The following CPEB2 variants were observed in gnomAD, a reference collection of about 807,000 sequenced individuals.
The protein encoded by CPEB2 is cytoplasmic polyadenylation element-binding protein 2.
A neutral mutation model predicts 93.6 loss-of-function variants in CPEB2; 56 were observed. That is an observed-to-expected ratio of 0.60 (90% CI 0.48 to 0.75). The LOEUF is 0.75. CPEB2 is among the 30% of genes least tolerant of loss of function. The pLI, the probability that CPEB2 is intolerant of heterozygous loss-of-function variation, is 0.00. For missense variants in CPEB2, 1,579 were observed against 1,395.1 expected (o/e 1.13, Z -2.10); for synonymous variants, 764 against 586.3 (o/e 1.30, Z -4.38).
intron 3 of CPEB2, 136 bp from the exon 4 acceptor site, chr4:15,017,052 G>T (rs951996699): frequency 1.0e-5 from 6 of 593,974 alleles, no homozygotes; most frequent in African/African-American, 9.5e-5. Flanking sequence ...TTAGTTATTG[G>T]TATTTTTGTG....
At chr4:15,030,196 G>A (rs1167747373) in intron 4 of CPEB2, among the ~76,000 whole-genome samples, 1 of 151,462 alleles carries the variant, frequency 6.6e-6, no homozygotes, top group Non-Finnish European at 1.5e-5. Context: ...CTTAAATTAT[G>A]AAATATACTA....
chr4:15,003,254 A>G lies in CPEB2; in HGVS notation c.581A>G (p.Lys194Arg). Residue 194 changes from lysine to arginine, a missense_variant, in exon 1 of 12, where the codon AAG (lysine) becomes AGG (arginine). Coordinates refer to ENST00000538197, the MANE Select transcript of CPEB2 (RefSeq NM_001177382.2). The stretch of plus-strand genomic sequence containing the variant: ...CACCTTCCCCACCCTCCGGACTCGA[A>G]GCCGCCGCCGCCGCCTCCGCCGCTC... The part of the protein sequence containing the change: ...PPHLPHPPDS[K>R]PPPPPPPLHC... The G allele has an allele frequency of 2.6e-6, 4 of 1,521,070 alleles. No individual in the cohort carries two copies. In the Admixed American group the frequency reaches 6.0e-5, roughly 23 times the overall value. 94.2% of individuals were successfully genotyped at this position (1,521,070 alleles called of 1,614,324 possible).
chr4:15,010,405 G>C (rs1723317081), intron 3 of CPEB2: 1 of 152,148 alleles, frequency 6.6e-6, no homozygotes, highest in Admixed American at 6.5e-5. Context: ...TTAGGCATTA[G>C]TCTAAGGCAG....
In CPEB2 at chr4:15,058,482, TGAA is replaced by T; in HGVS notation, c.2529_2531del (p.Glu843del). ...TTCAGGCACTCATTGATGCTTGTAT[TGAA>T]GAAGATGGAAAACTCTATCTGTGTG... On this transcript the variant is annotated inframe_deletion, in exon 9 of 12. Coordinates refer to ENST00000538197, the MANE Select transcript of CPEB2 (RefSeq NM_001177382.2). 1 of 1,613,214 alleles carries T rather than the reference TGAA, an allele frequency of 6.2e-7. No homozygotes were observed. Among genetic ancestry groups the T allele is most frequent in the Non-Finnish European group, 8.5e-7 (1 of 1,179,290 alleles).
At chr4:15,035,732 A>C (rs1035582919) in intron 5 of CPEB2, among the ~76,000 whole-genome samples, 5 of 152,296 alleles carry the variant, frequency 3.3e-5, no homozygotes, top group Admixed American at 1.3e-4. Flanking sequence ...ATAACCCCCC[A>C]AAAAAGTAAA....
intron 5 of CPEB2, among the ~76,000 whole-genome samples, chr4:15,037,547 A>C (rs1017609468): frequency 7.2e-5 from 11 of 152,166 alleles, no homozygotes; most frequent in African/African-American, 2.7e-4. Context: ...GAATATTAGA[A>C]TCATCCTGTT....
At chr4:15,034,258 A>G (rs974150199) in intron 5 of CPEB2, among the ~76,000 whole-genome samples, 1 of 152,154 alleles carries the variant, frequency 6.6e-6, no homozygotes, top group Non-Finnish European at 1.5e-5. Flanking sequence ...ATCCTACAGG[A>G]TGGTTGTGGT....
intron 5 of CPEB2, among the ~76,000 whole-genome samples, chr4:15,036,443 G>A (rs1018664079): frequency 5.3e-5 from 8 of 150,428 alleles, no homozygotes; most frequent in African/African-American, 1.7e-4. Flanking sequence ...AAAACCAAAG[G>A]TGAAGTACTT....
chr4:15,040,831 GCTCT>G (rs1244584749), intron 6 of CPEB2, among the ~76,000 whole-genome samples: 1 of 151,988 alleles, frequency 6.6e-6, no homozygotes, highest in Non-Finnish European at 1.5e-5. Flanking sequence ...TGATTTTTCT[GCTCT>G]CTAAATGTGT....
intron 5 of CPEB2, among the ~76,000 whole-genome samples, chr4:15,033,608 G>A (rs1285370705): frequency 6.6e-6 from 1 of 152,186 alleles, no homozygotes; most frequent in African/African-American, 2.4e-5. Flanking sequence ...GTATAGCATT[G>A]TGTTTGTGGT....
At chr4:15,049,876 TC>T (rs957042787) in intron 6 of CPEB2, among the ~76,000 whole-genome samples, 1 of 152,202 alleles carries the variant, frequency 6.6e-6, no homozygotes, top group African/African-American at 2.4e-5. Context: ...GGTAGCTAGC[TC>T]CCTCACTCTG....
intron 3 of CPEB2, among the ~76,000 whole-genome samples, chr4:15,014,583 G>C (rs1022100295): frequency 6.6e-6 from 1 of 152,088 alleles, no homozygotes; most frequent in East Asian, 1.9e-4. Context: ...TTGACTACCT[G>C]TTCCGTTGAG....
At chr4:15,042,296 C>G (rs1487570053) in intron 6 of CPEB2, among the ~76,000 whole-genome samples, 1 of 152,010 alleles carries the variant, frequency 6.6e-6, no homozygotes, top group South Asian at 2.1e-4. Context: ...TATTATTTGT[C>G]TTCATCTCAG....
At chr4:15,016,600 G>A (rs113385586) in intron 3 of CPEB2, among the ~76,000 whole-genome samples, 5 of 151,992 alleles carry the variant, frequency 3.3e-5, no homozygotes, top group African/African-American at 9.6e-5. Flanking sequence ...ACTTTAGAGA[G>A]TAATATATGA....
At chr4:15,049,034 T>C (rs1727980462) in intron 6 of CPEB2, among the ~76,000 whole-genome samples, 1 of 152,064 alleles carries the variant, frequency 6.6e-6, no homozygotes, top group South Asian at 2.1e-4. Context: ...GCAGTCATTA[T>C]TGTCCAACAG....
chr4:15,034,525 C>T (rs970307925), intron 5 of CPEB2, among the ~76,000 whole-genome samples: 1 of 152,086 alleles, frequency 6.6e-6, no homozygotes, highest in Non-Finnish European at 1.5e-5. Flanking sequence ...TGTGAGTAGT[C>T]TTAGTAGTCA....
chr4:15,007,705 A>C (rs1323576423), intron 2 of CPEB2, 119 bp downstream of exon 2: 9 of 578,144 alleles, frequency 1.6e-5, no homozygotes, highest in Non-Finnish European at 2.4e-5. Flanking sequence ...TTTAATTTTT[A>C]AGCATGTAAT....
At chr4:15,007,830 T>G (rs1168939793) in intron 2 of CPEB2, among the ~76,000 whole-genome samples, 1 of 152,224 alleles carries the variant, frequency 6.6e-6, no homozygotes, top group Non-Finnish European at 1.5e-5. Context: ...TTTGTATTTA[T>G]TAAATACATA....
intron 6 of CPEB2, among the ~76,000 whole-genome samples, chr4:15,043,700 T>C (rs925792073): frequency 6.6e-6 from 1 of 152,034 alleles, no homozygotes. Context: ...AATAAAAATA[T>C]ATAGAATATT....
Sources: allele counts gnomAD v4.1 joint callset (sites outside exome capture counted in the v4.1 genomes callset), GRCh38; gene constraint gnomAD v4.1.1; transcripts MANE v1.5; gene names NCBI Gene and HGNC (gene_info 2026-07-23, HGNC 2026-07-21).